Variants in RPS6KA2 observed in about 807,000 individuals in gnomAD.
RPS6KA2 encodes the protein ribosomal protein S6 kinase alpha-2.
RPS6KA2 carries 42 observed loss-of-function variants against 91.8 expected under a neutral mutation model. The ratio of observed to expected loss-of-function variants is 0.46; its 90% CI spans 0.36 to 0.59. RPS6KA2 has a LOEUF of 0.59. RPS6KA2 is among the 20% of genes least tolerant of loss of function. The pLI is 0.00. For synonymous variants in RPS6KA2, 414 were observed against 393.6 expected (o/e 1.05, Z -0.61); for missense variants, 798 against 978.5 (o/e 0.82, Z 2.46).
chr6:166,640,711 G>A (rs984551101), intron 2 of RPS6KA2, among the ~76,000 whole-genome samples: 2 of 151,068 alleles, frequency 1.3e-5, no homozygotes, highest in Admixed American at 6.6e-5. Flanking sequence ...TGAGGATAAG[G>A]AGATATTGTG....
chr6:166,508,091 A>C lies in RPS6KA2; in HGVS notation c.459+112T>G. 3 of 669,924 alleles carry C rather than the reference A, an allele frequency of 4.5e-6. No individual in the cohort carries two copies. The highest frequency in any genetic ancestry group is 5.4e-6 in the Non-Finnish European group (2 of 371,712). The allele number at this position is 669,924 out of a possible 1,614,324, so 41.5% of individuals were successfully genotyped here. Reference sequence around the variant, plus strand: ...CACATGCACACACCCCCACACACACACACGCACTCTCGCACGTGCTCACGT... The same window carrying C: ...CACATGCACACACCCCCACACACACCCACGCACTCTCGCACGTGCTCACGT... On this transcript the variant is annotated intron_variant, in intron 5 of 20. Transcript: ENST00000265678. The surrounding 1 kb of genome is among the most constrained non-coding windows in gnomAD (Gnocchi z 4.3).
intron 2 of RPS6KA2, among the ~76,000 whole-genome samples, chr6:166,810,918 C>T (rs75815871): frequency 0.01 from 1,598 of 152,302 alleles, 83 homozygotes; most frequent in Admixed American, 0.089. Context: ...CCACATGAGA[C>T]AGTGACAACT....
chr6:166,731,247 AAAAG>A (rs1374204413), intron 2 of RPS6KA2, among the ~76,000 whole-genome samples: 1 of 152,104 alleles, frequency 6.6e-6, no homozygotes, highest in African/African-American at 2.4e-5. Context: ...CGTCTCAAAA[AAAAG>A]AAAAAAGAAA....
At chr6:166,559,012 A>AT (rs1364515189) in intron 1 of RPS6KA2, among the ~76,000 whole-genome samples, 1 of 152,116 alleles carries the variant, frequency 6.6e-6, no homozygotes, top group African/African-American at 2.4e-5. Flanking sequence ...GGAAAATGTA[A>AT]TTTTTTGCCA....
Position 166,612,796 on chromosome 6 carries a change from T to A in RPS6KA2, c.99+14125A>T, listed in dbSNP as rs1184012448. On this transcript the variant is annotated intron_variant, in intron 1 of 20. Transcript: ENST00000265678. This position sits in a 1 kb window ranked among gnomAD's most constrained non-coding sequence, Gnocchi z 4.3. ...TGGCCACTGCCAAATTTACTCCACA[T>A]CAGCCTCTCTCTCTCCATGCCCTTG... 6.6e-6 allele frequency among the ~76,000 whole-genome samples: 1 copy of A among 152,184 alleles called. No homozygotes were observed.
At chr6:166,706,064 T>C (rs1789671784) in intron 2 of RPS6KA2, among the ~76,000 whole-genome samples, 1 of 152,206 alleles carries the variant, frequency 6.6e-6, no homozygotes, top group African/African-American at 2.4e-5. Context: ...GATCTGTGGG[T>C]TCCTCGATCT....
At chr6:166,515,144 T>C (rs1782604401) in intron 3 of RPS6KA2, among the ~76,000 whole-genome samples, 1 of 152,138 alleles carries the variant, frequency 6.6e-6, no homozygotes, top group South Asian at 2.1e-4. Flanking sequence ...CACCATGATG[T>C]GGTCCACAGT....
intron 2 of RPS6KA2, among the ~76,000 whole-genome samples, chr6:166,690,037 T>A (rs1048065348): frequency 6.6e-6 from 1 of 152,144 alleles, no homozygotes; most frequent in Non-Finnish European, 1.5e-5. Flanking sequence ...TCCCACCGCA[T>A]GGCTCCGGTC....
chr6:166,661,183 C>A (rs944335981), intron 2 of RPS6KA2, among the ~76,000 whole-genome samples: 27 of 152,202 alleles, frequency 1.8e-4, no homozygotes, highest in African/African-American at 6.3e-4. Context: ...TCACTACAAC[C>A]CCTGCCTCCT....
rs375677682 is a variant in RPS6KA2, at chr6:166,664,621, A to G, written c.124-125837T>C. Reference sequence around the variant, plus strand: ...GAATAGAGATTGCAAAGCTCAACTTAAAAAATATTGAATGGTAACATAAAC... The same window carrying G: ...GAATAGAGATTGCAAAGCTCAACTTGAAAAATATTGAATGGTAACATAAAC... On this transcript the variant is annotated intron_variant, in intron 2 of 21. Coordinates refer to the RPS6KA2 transcript ENST00000503859. Among the ~76,000 whole-genome samples the G allele has an allele frequency of 4.6e-5, 7 of 152,372 alleles. No individual in the cohort carries two copies. The East Asian group carries it at 1.2e-3, about 25-fold the overall frequency.
chr6:166,686,923 G>A (rs896520620), intron 2 of RPS6KA2, among the ~76,000 whole-genome samples: 2 of 152,232 alleles, frequency 1.3e-5, no homozygotes, highest in African/African-American at 4.8e-5. Context: ...AGAAAGAACA[G>A]GGGTGAGGGG....
chr6:166,558,593 G>A (rs1452099446), intron 1 of RPS6KA2, among the ~76,000 whole-genome samples: 1 of 152,206 alleles, frequency 6.6e-6, no homozygotes, highest in African/African-American at 2.4e-5. Flanking sequence ...GGGAGGGTGA[G>A]AGGCAAGCGG....
At chr6:166,470,676 A>T (rs1780733606) in intron 10 of RPS6KA2, among the ~76,000 whole-genome samples, 1 of 152,192 alleles carries the variant, frequency 6.6e-6, no homozygotes. Context: ...GAACGAGCCC[A>T]GTGTGGACAA....
At chr6:166,501,329 G>T (rs376491316) in intron 6 of RPS6KA2, among the ~76,000 whole-genome samples, 1 of 152,156 alleles carries the variant, frequency 6.6e-6, no homozygotes, top group Non-Finnish European at 1.5e-5. Context: ...TTCTGCACTC[G>T]GGATGCCCTT....
chr6:166,488,981 AG>A (rs1321357473), intron 9 of RPS6KA2, 60 bp from the exon 10 acceptor site: 9 of 1,413,168 alleles, frequency 6.4e-6, no homozygotes, highest in Non-Finnish European at 8.9e-6. Flanking sequence ...AGCTATAAAG[AG>A]GGCCCCAGTC....
intron 2 of RPS6KA2, among the ~76,000 whole-genome samples, chr6:166,816,118 G>A (rs773565279): frequency 8.5e-5 from 13 of 152,166 alleles, no homozygotes; most frequent in Non-Finnish European, 1.6e-4. Context: ...ATTAGGTTTT[G>A]CTTTTACAGC....
In RPS6KA2 at chr6:166,496,232, C is replaced by T. The variant is rs1345555202; in HGVS notation, c.747+2276G>A. ...GCTGGGTGTGGCGGGTGCCTGTAGT[C>T]GCAGCTACTTGGGAGGCTGAGGCAG... On this transcript the variant is annotated intron_variant, in intron 8 of 20. Transcript: ENST00000265678. Among the ~76,000 whole-genome samples the T allele has an allele frequency of 4.0e-5, 6 of 151,606 alleles. No individual in the cohort carries two copies. In the South Asian group the frequency reaches 6.3e-4, roughly 16 times the overall value.
Position 166,825,083 on chromosome 6 carries a change from C to T in RPS6KA2, c.123+33117G>A, listed in dbSNP as rs1478023115. ...AGTGCTGCAGAGCGCTGTTCTTCCA[C>T]GAGGGAATAGCAGGGCCTCTAAAAA... On this transcript the variant is annotated intron_variant, in intron 2 of 21. Coordinates refer to the RPS6KA2 transcript ENST00000503859. This position sits in a 1 kb window ranked among gnomAD's most constrained non-coding sequence, Gnocchi z 4.1. 3.3e-5 allele frequency among the ~76,000 whole-genome samples: 5 copies of T among 152,346 alleles called. No individual in the cohort carries two copies. Among genetic ancestry groups the T allele is most frequent in the African/African-American group, 4.8e-5 (2 of 41,584 alleles).
intron 2 of RPS6KA2, among the ~76,000 whole-genome samples, chr6:166,830,904 C>G (rs74321401): frequency 6.6e-4 from 101 of 152,296 alleles, no homozygotes; most frequent in African/African-American, 8.4e-4. Context: ...CCAGCTCCCC[C>G]CTATCAAGCT....
Sources: gnomAD v4.1 joint callset for allele counts (sites outside exome capture counted in the v4.1 genomes callset) on GRCh38, gnomAD v4.1.1 for gene constraint, Gnocchi (gnomAD v3.1) non-coding constraint, MANE v1.5 for transcripts, NCBI Gene and HGNC (gene_info 2026-07-23, HGNC 2026-07-21) for gene names.